PGAP1: variants seen among roughly 807,000 people sequenced by gnomAD.
The protein encoded by PGAP1 is GPI inositol-deacylase.
A neutral mutation model predicts 127.0 loss-of-function variants in PGAP1; 76 were observed. That is an observed-to-expected ratio of 0.60 (90% confidence interval 0.50 to 0.72). The LOEUF is 0.72. Ranked by LOEUF, PGAP1 falls within the 30% of genes least tolerant of loss-of-function variation. The pLI, the probability that PGAP1 is intolerant of heterozygous loss-of-function variation, is 0.00. For synonymous variants in PGAP1, 362 were observed against 366.5 expected, an observed-to-expected ratio of 0.99 and a Z score of 0.14; for missense variants, 982 against 1,071.3, an observed-to-expected ratio of 0.92 and a Z score of 1.16.
chr2:196,912,350 A>T (rs979406926), intron 4 of PGAP1, among the ~76,000 whole-genome samples: 2 of 151,948 alleles, frequency 1.3e-5, no homozygotes, highest in Admixed American at 6.6e-5. Context: ...AAATAACTAA[A>T]CTGGCCAGGC....
intron 1 of PGAP1, chr2:196,922,803 C>G (rs942389118): frequency 6.6e-6 from 1 of 151,298 alleles, no homozygotes; most frequent in African/African-American, 2.4e-5. Context: ...ACCTCAGTCT[C>G]CTGAGTAGCT....
chr2:196,880,338 G>A (rs1365809343), intron 12 of PGAP1, among the ~76,000 whole-genome samples, 185 bp from the exon 13 acceptor site: 5 of 151,844 alleles, frequency 3.3e-5, no homozygotes, highest in Non-Finnish European at 7.4e-5. Flanking sequence ...TGAAAATCAA[G>A]TTCCTAATAA....
At chr2:196,876,976 C>G (rs1357994338) in intron 13 of PGAP1, among the ~76,000 whole-genome samples, 2 of 152,056 alleles carry the variant, frequency 1.3e-5, no homozygotes, top group African/African-American at 4.8e-5. Context: ...AACAGGATTA[C>G]TCATTACATT....
intron 19 of PGAP1, among the ~76,000 whole-genome samples, chr2:196,867,425 T>G (rs777607362): frequency 6.6e-6 from 1 of 152,030 alleles, no homozygotes; most frequent in Non-Finnish European, 1.5e-5. Flanking sequence ...AGTTGAACAA[T>G]GAGAACATAT....
intron 20 of PGAP1, among the ~76,000 whole-genome samples, chr2:196,861,809 T>A (rs1047653477): frequency 6.6e-6 from 1 of 151,878 alleles, no homozygotes; most frequent in South Asian, 2.1e-4. Flanking sequence ...TTTACTGCAA[T>A]CTCTAAACAT....
rs145777030 is a variant in PGAP1, at chr2:196,855,960, G to A, written c.1862-7923C>T. 2.5e-3 allele frequency among the ~76,000 whole-genome samples: 385 copies of A among 152,206 alleles called. 3 individuals carry two copies. The highest frequency in any genetic ancestry group is 8.6e-3 in the African/African-American group (359 of 41,522). ...AAACTGTCAACTGCTGGCAGGCCTA[G>A]GAACCTTAAGACCTTAAAAACCTCA... On this transcript the variant is annotated intron_variant, in intron 20 of 26. Transcript: ENST00000354764.
In PGAP1 at chr2:196,893,188, G is replaced by A. The variant is rs761963556; in HGVS notation, c.985C>T (p.Pro329Ser). ...SVLYHHFIRH[P>S]SKHFEENPAI... is the part of the protein sequence containing the mutation. ...GGATTTTCCTCAAAATGTTTTGATG[G>A]GTGTCTTATAAAGTGGTGATACAAA... is the stretch of plus-strand genomic sequence containing the variant. Residue 329 changes from proline to serine, a missense_variant, in exon 8 of 27, where the codon CCA becomes TCA. Pro to Ser is a moderately conservative substitution (Grantham distance 74). Coordinates refer to ENST00000354764, the MANE Select transcript of PGAP1 (RefSeq NM_024989.4). 1.0e-5 allele frequency: 16 copies of A among 1,599,280 alleles called. No homozygotes were observed. The highest frequency in any genetic ancestry group is 1.3e-5 in the Non-Finnish European group (15 of 1,171,062).
chr2:196,920,339 T>C (rs959650373), intron 1 of PGAP1, among the ~76,000 whole-genome samples, 189 bp from the exon 2 acceptor site: 8 of 152,142 alleles, frequency 5.3e-5, no homozygotes, highest in Non-Finnish European at 1.2e-4. Flanking sequence ...CAGTCTTGAA[T>C]TGTGTATATT....
chr2:196,866,651 C>T (rs1701251203), intron 19 of PGAP1, among the ~76,000 whole-genome samples: 1 of 152,052 alleles, frequency 6.6e-6, no homozygotes, highest in African/African-American at 2.4e-5. Flanking sequence ...AGCTTCTGCA[C>T]AGCAAAAGAA....
In PGAP1 at chr2:196,841,273, G is replaced by A; in HGVS notation, c.2730C>T (p.Phe910=). The change falls in exon 27 of 27, where the codon TTC becomes TTT. Residue 910 remains phenylalanine, a synonymous_variant. Coordinates refer to ENST00000354764, the MANE Select transcript of PGAP1 (RefSeq NM_024989.4). ...ATAATGCATGGAGTAAAAGAGGAATGAAGACAAAGCATGGAAGCCTATATA... is the reference window on the plus strand; with the variant it reads ...ATAATGCATGGAGTAAAAGAGGAATAAAGACAAAGCATGGAAGCCTATATA... The part of the protein sequence containing the change: ...AHLYRLPCFV[F]IPLLLHALCN... 1 of 1,613,866 alleles carries A rather than the reference G, an allele frequency of 6.2e-7. No homozygotes were observed. The highest frequency in any genetic ancestry group is 2.2e-5 in the East Asian group (1 of 44,842).
intron 20 of PGAP1, among the ~76,000 whole-genome samples, chr2:196,862,047 A>C (rs1397463905): frequency 6.6e-6 from 1 of 151,998 alleles, no homozygotes; most frequent in African/African-American, 2.4e-5. Context: ...GATAACAGCA[A>C]TGTTTAGGGA....
At chr2:196,920,323 G>C (rs1033892832) in intron 1 of PGAP1, among the ~76,000 whole-genome samples, 173 bp from the exon 2 acceptor site, 5 of 152,058 alleles carry the variant, frequency 3.3e-5, no homozygotes, top group South Asian at 2.1e-4. Flanking sequence ...TATTCATATA[G>C]AGAATCAGTC....
chr2:196,880,297 C>A (rs1194131878), intron 12 of PGAP1, 144 bp from the exon 13 acceptor site: 6 of 505,570 alleles, frequency 1.2e-5, no homozygotes, highest in Non-Finnish European at 2.1e-5. Flanking sequence ...ATAAAATGCC[C>A]ATGTTTACAT....
In PGAP1 at chr2:196,870,999, G is replaced by T; in HGVS notation, c.1729-20C>A. On this transcript the variant is annotated intron_variant, in intron 18 of 26. Coordinates refer to ENST00000354764, the MANE Select transcript of PGAP1 (RefSeq NM_024989.4). ...TGTCACCTAGTTTAAAACAATTATT[G>T]AAAAAAAAGGTTATTTTCCTCTAAA... The T allele has an allele frequency of 6.4e-7, 1 of 1,559,366 alleles. No homozygotes were observed.
intron 5 of PGAP1, among the ~76,000 whole-genome samples, chr2:196,900,728 A>G (rs1474498952): frequency 6.6e-6 from 1 of 152,160 alleles, no homozygotes. Flanking sequence ...GATCGAGACC[A>G]TCCTGGCTAA....
intron 21 of PGAP1, 37 bp downstream of exon 21, chr2:196,847,908 AAC>A (rs1700605570): frequency 7.2e-7 from 1 of 1,382,552 alleles, no homozygotes; most frequent in Non-Finnish European, 9.8e-7. Context: ...TTACATGTAA[AAC>A]ACAATTAAAA....
In PGAP1 at chr2:196,841,325, C is replaced by G. The variant is rs754905595; in HGVS notation, c.2678G>C (p.Gly893Ala). ...TSQFPLPLAVGVIAFGSAHLY... is the reference protein window; with the variant it reads ...TSQFPLPLAVAVIAFGSAHLY... ...ATGTGCTGACCCAAAAGCAATCACA[C>G]CAACAGCCAGAGGAAGTGGAAATTG... Residue 893 changes from glycine to alanine, a missense_variant, in exon 27 of 27, where the codon GGT (glycine) becomes GCT (alanine). Transcript: ENST00000354764. 75 of 1,613,740 alleles carry G rather than the reference C, an allele frequency of 4.6e-5. No individual in the cohort carries two copies. Among genetic ancestry groups the G allele is most frequent in the Non-Finnish European group, 6.2e-5 (73 of 1,179,752 alleles).
chr2:196,897,265 C>A, intron 6 of PGAP1, 68 bp from the exon 7 acceptor site: 4 of 958,840 alleles, frequency 4.2e-6, no homozygotes, highest in Non-Finnish European at 6.2e-6. Context: ...AAAATATGCA[C>A]AATTCTATTG....
intron 4 of PGAP1, among the ~76,000 whole-genome samples, chr2:196,903,344 C>T (rs747531293): frequency 6.6e-5 from 10 of 151,484 alleles, no homozygotes; most frequent in Admixed American, 1.3e-4. Context: ...AGGCAGATCA[C>T]GAGGTCAGGA....
Sources: gnomAD v4.1 joint callset for allele counts (sites outside exome capture counted in the v4.1 genomes callset) on GRCh38, gnomAD v4.1.1 for gene constraint, MANE v1.5 for transcripts, NCBI Gene and HGNC (gene_info 2026-07-23, HGNC 2026-07-21) for gene names.